The following FHIT variants were observed in gnomAD, a reference collection of about 807,000 sequenced individuals.
FHIT encodes the protein bis(5'-adenosyl)-triphosphatase.
Under a neutral mutation model 17.9 loss-of-function variants are expected in FHIT, and 19 were observed. That is an observed-to-expected ratio of 1.06 (90% confidence interval 0.74 to 1.56). FHIT has a LOEUF of 1.56. FHIT is among the 40% of genes most tolerant of loss of function. The pLI, the probability that FHIT is intolerant of heterozygous loss-of-function variation, is 0.00. For synonymous variants in FHIT, 81 were observed against 69.7 expected, an observed-to-expected ratio of 1.16 and a Z score of -0.81; for missense variants, 248 against 189.2, an observed-to-expected ratio of 1.31 and a Z score of -1.82.
At chr3:60,345,410 T>G (rs982908738) in intron 5 of FHIT, among the ~76,000 whole-genome samples, 4 of 152,234 alleles carry the variant, frequency 2.6e-5, no homozygotes, top group Non-Finnish European at 5.9e-5. Flanking sequence ...TTCCTGCTAT[T>G]GTTAAATACC....
chr3:60,407,655 C>T (rs962088909), intron 5 of FHIT, among the ~76,000 whole-genome samples: 2 of 152,088 alleles, frequency 1.3e-5, no homozygotes, highest in African/African-American at 4.8e-5. Flanking sequence ...GCTGGGATTA[C>T]AAGTGTGTGC....
chr3:60,535,834 A>G (rs1277236853), intron 5 of FHIT: 3 of 149,056 alleles, frequency 2.0e-5, no homozygotes, highest in Non-Finnish European at 4.4e-5. Context: ...AGCATACAAT[A>G]GTTACGTGGC....
At chr3:60,466,534 C>A (rs116255371) in intron 5 of FHIT, among the ~76,000 whole-genome samples, 2,687 of 151,984 alleles carry the variant, frequency 0.018, 84 homozygotes, top group African/African-American at 0.06. Context: ...TTTATTGTGT[C>A]AAGGTATGTT....
At position 60,190,951 on chromosome 3, in the gene FHIT, A is replaced by C. The variant is rs116703818; in HGVS notation, c.104-176799T>G. Among the ~76,000 whole-genome samples the C allele has an allele frequency of 9.0e-3, 1,373 of 151,998 alleles. 24 individuals are homozygous for C. The highest frequency in any genetic ancestry group is 0.031 in the African/African-American group (1,291 of 41,462). On this transcript the variant is annotated intron_variant, in intron 5 of 9. Coordinates refer to ENST00000492590, the MANE Select transcript of FHIT (RefSeq NM_002012.4). Reference sequence around the variant, plus strand: ...GAGTGAGACTCCATCTCAAAAAAAAACTAAGGGAGATTTTGAAGTTGTGTC... The same window carrying C: ...GAGTGAGACTCCATCTCAAAAAAAACCTAAGGGAGATTTTGAAGTTGTGTC...
intron 4 of FHIT, among the ~76,000 whole-genome samples, chr3:60,748,230 A>C (rs948029180): frequency 3.3e-5 from 5 of 152,174 alleles, no homozygotes; most frequent in Admixed American, 6.5e-5. Context: ...TGTTGGGGAC[A>C]AAAAAACTTT....
intron 5 of FHIT, among the ~76,000 whole-genome samples, chr3:60,258,096 ACACACC>A (rs1486139992): frequency 8.8e-5 from 13 of 148,170 alleles, no homozygotes; most frequent in Middle Eastern, 6.9e-3. Context: ...ACACACACAC[ACACACC>A]TCTGCAGATT....
intron 8 of FHIT, among the ~76,000 whole-genome samples, chr3:59,840,257 T>C (rs1701482384): frequency 6.6e-6 from 1 of 152,126 alleles, no homozygotes; most frequent in Admixed American, 6.5e-5. Context: ...TAAGATAATG[T>C]CTTATTTTTG....
At chr3:60,362,790 G>A (rs749416823) in intron 5 of FHIT, among the ~76,000 whole-genome samples, 1 of 152,018 alleles carries the variant, frequency 6.6e-6, no homozygotes. Context: ...TTATAGTGAG[G>A]GATAAACAGG....
At chr3:60,957,233 C>CTTTTTTTTTTT (rs35221092) in intron 3 of FHIT, among the ~76,000 whole-genome samples, 2 of 97,138 alleles carry the variant, frequency 2.1e-5, no homozygotes, top group African/African-American at 4.0e-5. Flanking sequence ...TTCTTTCTTT[C>CTTTTTTTTTTT]TTTTTTTTTT....
chr3:59,846,954 G>A (rs1701743634), intron 8 of FHIT, among the ~76,000 whole-genome samples: 1 of 152,204 alleles, frequency 6.6e-6, no homozygotes, highest in East Asian at 1.9e-4. Context: ...TAATCTTAGT[G>A]AGGATCCCTA....
chr3:60,944,896 T>C (rs11130800), intron 3 of FHIT, among the ~76,000 whole-genome samples: 38,642 of 152,146 alleles, frequency 0.25, 6,050 homozygotes, highest in East Asian at 0.6. Context: ...ACTTCATCAA[T>C]AAACAGTGAG....
chr3:59,935,774 G>A (rs34382742), intron 7 of FHIT, among the ~76,000 whole-genome samples: 14,853 of 152,022 alleles, frequency 0.098, 832 homozygotes, highest in South Asian at 0.12. Flanking sequence ...TGCATGGATG[G>A]ATGAATGGAT....
At position 60,036,229 on chromosome 3, in the gene FHIT, T is replaced by G. The variant is rs570012362; in HGVS notation, c.104-22077A>C. ...CCATCAATGACTCCCTATCTCCATGTGTCCCAAATCTGATAATTTTTCCAG... is the reference window on the plus strand; with the variant it reads ...CCATCAATGACTCCCTATCTCCATGGGTCCCAAATCTGATAATTTTTCCAG... On this transcript the variant is annotated intron_variant, in intron 5 of 9. Transcript: ENST00000492590. 1.8e-4 allele frequency among the ~76,000 whole-genome samples: 27 copies of G among 152,344 alleles called. 1 individual carries two copies. In the South Asian group the frequency reaches 5.4e-3, roughly 30 times the overall value.
intron 8 of FHIT, among the ~76,000 whole-genome samples, chr3:59,866,810 A>G (rs1475247418): frequency 1.3e-5 from 2 of 152,070 alleles, no homozygotes; most frequent in Non-Finnish European, 2.9e-5. Flanking sequence ...AGAGCAGCAC[A>G]ATATCCTTGG....
chr3:60,268,329 C>T (rs747639250), intron 5 of FHIT, among the ~76,000 whole-genome samples: 10 of 152,198 alleles, frequency 6.6e-5, no homozygotes, highest in Non-Finnish European at 1.3e-4. Context: ...AGATTACTAA[C>T]AGTGTTGGAG....
At chr3:60,407,960 T>G in intron 5 of FHIT, among the ~76,000 whole-genome samples, 1 of 152,138 alleles carries the variant, frequency 6.6e-6, no homozygotes, top group African/African-American at 2.4e-5. Context: ...TTAAAGCCAC[T>G]AACAGAGAAA....
chr3:60,362,464 C>T lies in FHIT; in HGVS notation c.103+174396G>A, dbSNP rs138923270. On this transcript the variant is annotated intron_variant, in intron 5 of 9. Coordinates refer to ENST00000492590, the MANE Select transcript of FHIT (RefSeq NM_002012.4). Reference sequence around the variant, plus strand: ...CAGAACAAATTAATTTATCTCACCACACTTTTTGTTTCTAGCAAGCATGAC... The same window carrying T: ...CAGAACAAATTAATTTATCTCACCATACTTTTTGTTTCTAGCAAGCATGAC... Among the ~76,000 whole-genome samples, 584 of 152,216 alleles carry T rather than the reference C, an allele frequency of 3.8e-3. 3 individuals carry two copies. The highest frequency in any genetic ancestry group is 5.9e-3 in the Non-Finnish European group (402 of 68,014).
intron 1 of FHIT, among the ~76,000 whole-genome samples, chr3:61,220,821 T>A (rs1404817938): frequency 6.6e-6 from 1 of 152,246 alleles, no homozygotes; most frequent in Non-Finnish European, 1.5e-5. Context: ...TCATTCATTC[T>A]CTTAATTTGT....
At chr3:60,253,202 T>A (rs190537870) in intron 5 of FHIT, among the ~76,000 whole-genome samples, 112 of 152,270 alleles carry the variant, frequency 7.4e-4, no homozygotes, top group African/African-American at 2.6e-3. Context: ...AAAAGGCTCA[T>A]AATTAATACA....
Sources: gnomAD v4.1 joint callset for allele counts (sites outside exome capture counted in the v4.1 genomes callset) on GRCh38, gnomAD v4.1.1 for gene constraint, MANE v1.5 for transcripts, NCBI Gene and HGNC (gene_info 2026-07-23, HGNC 2026-07-21) for gene names.